Variants in SLC8A1 observed in about 807,000 individuals in gnomAD.
The protein encoded by SLC8A1 is sodium/calcium exchanger 1.
SLC8A1 carries 18 observed loss-of-function variants against 68.3 expected under a neutral mutation model. That is an observed-to-expected ratio of 0.26 (90% CI 0.18 to 0.39). The LOEUF (loss-of-function observed/expected upper bound fraction) is 0.39, where lower values mean the gene tolerates loss of function less well. Among genes scored for constraint, SLC8A1 ranks in the 10% least tolerant of loss-of-function variants. SLC8A1 has a pLI of 1.00. For missense variants in SLC8A1, 985 were observed against 1,156.7 expected (o/e 0.85, Z 2.15); for synonymous variants, 475 against 415.5 (o/e 1.14, Z -1.74).
chr2:40,304,741 T>C (rs2072246881), intron 2 of SLC8A1, among the ~76,000 whole-genome samples: 1 of 152,186 alleles, frequency 6.6e-6, no homozygotes, highest in Non-Finnish European at 1.5e-5. Context: ...CTGTTGGTAC[T>C]GCATTGTTTT....
chr2:40,326,605 C>T (rs188160043), intron 2 of SLC8A1, among the ~76,000 whole-genome samples: 12 of 152,214 alleles, frequency 7.9e-5, no homozygotes, highest in South Asian at 2.1e-4. Context: ...TTCTAACTTT[C>T]GAACTGCCAA....
intron 2 of SLC8A1, among the ~76,000 whole-genome samples, chr2:40,207,003 A>C (rs988889222): frequency 7.9e-5 from 12 of 152,098 alleles, no homozygotes; most frequent in African/African-American, 2.9e-4. Flanking sequence ...TTTACTTCAA[A>C]GTATTTTCCT....
chr2:40,419,090 G>T (rs1490027525), intron 2 of SLC8A1, among the ~76,000 whole-genome samples: 2 of 152,228 alleles, frequency 1.3e-5, no homozygotes, highest in Non-Finnish European at 2.9e-5. Flanking sequence ...AAAGCTTGAG[G>T]TTTTCTATGG....
At chr2:40,247,592 T>G (rs540461975) in intron 2 of SLC8A1, among the ~76,000 whole-genome samples, 2 of 152,320 alleles carry the variant, frequency 1.3e-5, no homozygotes, top group East Asian at 3.9e-4. Flanking sequence ...ACGTGTCACA[T>G]TAGCTGTATT....
At chr2:40,286,445 A>G (rs2068325392) in intron 2 of SLC8A1, among the ~76,000 whole-genome samples, 1 of 152,194 alleles carries the variant, frequency 6.6e-6, no homozygotes, top group South Asian at 2.1e-4. Context: ...TAAGACTACT[A>G]CATGAATTTT....
chr2:40,455,134 A>T (rs1004808857), upstream of SLC8A1, among the ~76,000 whole-genome samples: 3 of 152,190 alleles, frequency 2.0e-5, no homozygotes, highest in Admixed American at 6.5e-5. Context: ...AGATGTTCTG[A>T]TGTTCACAAA....
chr2:40,145,360 G>T (rs2042264641), intron 6 of SLC8A1, among the ~76,000 whole-genome samples: 1 of 152,088 alleles, frequency 6.6e-6, no homozygotes, highest in Admixed American at 6.6e-5. Flanking sequence ...ATCCAGTTCT[G>T]AATCAAACAT....
chr2:40,298,209 T>C (rs1324226894), intron 2 of SLC8A1, among the ~76,000 whole-genome samples: 4 of 152,214 alleles, frequency 2.6e-5, no homozygotes, highest in Admixed American at 6.5e-5. Flanking sequence ...CCCAGTGTTC[T>C]TTCTGCTGAC....
intron 1 of SLC8A1, among the ~76,000 whole-genome samples, chr2:40,507,554 A>G (rs1706449854): frequency 1.3e-5 from 2 of 152,016 alleles, no homozygotes; most frequent in South Asian, 4.1e-4. Flanking sequence ...TCTTTCACAC[A>G]TTAATTTTAT....
At chr2:40,274,458 A>C (rs949035729) in intron 2 of SLC8A1, among the ~76,000 whole-genome samples, 2 of 152,102 alleles carry the variant, frequency 1.3e-5, no homozygotes, top group Non-Finnish European at 2.9e-5. Context: ...TGTCTCTGGA[A>C]AATGAGCATG....
At chr2:40,180,376 TG>T (rs1421770296) in intron 2 of SLC8A1, among the ~76,000 whole-genome samples, 1 of 152,228 alleles carries the variant, frequency 6.6e-6, no homozygotes, top group Non-Finnish European at 1.5e-5. Flanking sequence ...CTGAATTTGA[TG>T]TTGTAAAATA....
chr2:40,326,811 A>C (rs189923548), intron 2 of SLC8A1, among the ~76,000 whole-genome samples: 11 of 152,278 alleles, frequency 7.2e-5, no homozygotes, highest in Admixed American at 2.0e-4. Context: ...CTCTTAATCT[A>C]ATCTGTTTGA....
At chr2:40,235,423 T>C (rs2148923037) in intron 2 of SLC8A1, among the ~76,000 whole-genome samples, 1 of 152,180 alleles carries the variant, frequency 6.6e-6, no homozygotes, top group South Asian at 2.1e-4. Flanking sequence ...GTAGTTTGTA[T>C]TTCTGTGGGA....
chr2:40,147,550 A>G (rs2148347972), intron 6 of SLC8A1, among the ~76,000 whole-genome samples: 1 of 152,284 alleles, frequency 6.6e-6, no homozygotes, highest in East Asian at 1.9e-4. Flanking sequence ...ATGTGGGCAC[A>G]CCAGGTTCTA....
chr2:40,212,620 T>C (rs901968853), intron 2 of SLC8A1, among the ~76,000 whole-genome samples: 1 of 152,162 alleles, frequency 6.6e-6, no homozygotes, highest in African/African-American at 2.4e-5. Flanking sequence ...GATCCTGTTG[T>C]TTCTCTTCAG....
At chr2:40,118,781 T>C (rs2036129296) in intron 7 of SLC8A1, among the ~76,000 whole-genome samples, 1 of 151,926 alleles carries the variant, frequency 6.6e-6, no homozygotes, top group South Asian at 2.1e-4. Context: ...GGTGAACAGA[T>C]GGCCACGTTA....
chr2:40,177,979 T>A, intron 2 of SLC8A1: 4 of 683,880 alleles, frequency 5.8e-6, no homozygotes, highest in Non-Finnish European at 7.9e-6. Flanking sequence ...ATGGGCCTCC[T>A]GAAGTATGTA....
intron 1 of SLC8A1, among the ~76,000 whole-genome samples, chr2:40,450,255 T>G (rs1702187472): frequency 6.6e-6 from 1 of 152,190 alleles, no homozygotes; most frequent in African/African-American, 2.4e-5. Context: ...CGGCTTTGTC[T>G]TCTTATTTGA....
At position 40,108,474 on chromosome 2, in the gene SLC8A1, A is replaced by G. The variant is rs370137636; in HGVS notation, c.*6779T>C. On this transcript the variant is annotated 3_prime_UTR_variant, in exon 8 of 8. Coordinates refer to ENST00000406785, the Ensembl canonical transcript of SLC8A1. ...TCCTAGTTAACACATTTTTGTGCCA[A>G]TTCTCTTATTTTTAAATACGCTCTT... 4.5e-4 allele frequency: 69 copies of G among 152,196 alleles called. 1 individual carries two copies. Among genetic ancestry groups the G allele is most frequent in the African/African-American group, 1.6e-3 (65 of 41,542 alleles). 9.4% of individuals were successfully genotyped at this position (152,196 alleles called of 1,614,324 possible). A position where few individuals can be genotyped will look rare whatever the true frequency, so the allele number is the denominator to read the frequency against.
Sources: allele counts gnomAD v4.1 joint callset (sites outside exome capture counted in the v4.1 genomes callset), GRCh38; gene constraint gnomAD v4.1.1; transcripts MANE v1.5; gene names NCBI Gene and HGNC (gene_info 2026-07-23, HGNC 2026-07-21).